The following GMIP variants were observed in gnomAD, a reference collection of about 807,000 sequenced individuals.
GMIP encodes GEM interacting protein, also known as GEM-interacting protein.
A neutral mutation model predicts 105.3 loss-of-function variants in GMIP; 54 were observed. That is an observed-to-expected ratio of 0.51 (90% CI 0.41 to 0.64). The LOEUF is 0.64. GMIP is among the 30% of genes least tolerant of loss of function. GMIP has a pLI of 0.00. For synonymous variants in GMIP, 541 were observed against 560.8 expected (o/e 0.96, Z 0.50); for missense variants, 1,110 against 1,319.4 (o/e 0.84, Z 2.46).
Position 19,635,848 on chromosome 19 carries a change from G to A in GMIP, c.1328-127C>T. ...AGGAGGGGGATTGGACAGGTCAGTGGTTAAGGGTTGGAGAATTGGGTCAGC... is the reference window on the plus strand; with the variant it reads ...AGGAGGGGGATTGGACAGGTCAGTGATTAAGGGTTGGAGAATTGGGTCAGC... On this transcript the variant is annotated intron_variant, in intron 13 of 20. Transcript: ENST00000203556. The surrounding 1 kb of genome is among the most constrained non-coding windows in gnomAD (Gnocchi z 4.7). The A allele has an allele frequency of 1.3e-6, 1 of 763,332 alleles. No homozygotes were observed. Among genetic ancestry groups the A allele is most frequent in the Non-Finnish European group, 2.2e-6 (1 of 444,950 alleles). The allele number at this position is 763,332 out of a possible 1,614,324, so 47.3% of individuals were successfully genotyped here. A position where few individuals can be genotyped will look rare whatever the true frequency, so the allele number is the denominator to read the frequency against.
At chr19:19,632,822 G>T (rs2061809730) in intron 19 of GMIP, among the ~76,000 whole-genome samples, 1 of 152,114 alleles carries the variant, frequency 6.6e-6, no homozygotes, top group African/African-American at 2.4e-5. Context: ...TTCATTACAG[G>T]ATGGGGCTGC....
Position 19,630,517 on chromosome 19 carries a change from G to A in GMIP, c.2493C>T (p.Asp831=), listed in dbSNP as rs1189411728. 6.2e-7 allele frequency: 1 copy of A among 1,613,848 alleles called. No homozygotes were observed. Among genetic ancestry groups the A allele is most frequent in the Non-Finnish European group, 8.5e-7 (1 of 1,179,842 alleles). The change falls in exon 20 of 21, where the codon GAC becomes GAT. Residue 831 remains aspartate, a synonymous_variant. Transcript: ENST00000203556. The surrounding 1 kb of genome is among the most constrained non-coding windows in gnomAD (Gnocchi z 4.8). The part of the protein sequence containing the change: ...TPTEIPTPQS[D]QREDVAEDTK... Reference sequence around the variant, plus strand: ...TGTCTTCAGCCACGTCCTCTCTCTGGTCACTCTGTGGAGTTGGAATCTGCA... The same window carrying A: ...TGTCTTCAGCCACGTCCTCTCTCTGATCACTCTGTGGAGTTGGAATCTGCA...
Position 19,637,502 on chromosome 19 carries a change from G to A in GMIP, c.987C>T (p.Phe329=), listed in dbSNP as rs565970380. Residue 329 remains phenylalanine, a synonymous_variant, in exon 11 of 21, where the codon TTC becomes TTT. Coordinates refer to ENST00000203556, the MANE Select transcript of GMIP (RefSeq NM_016573.4). The surrounding 1 kb of genome is among the most constrained non-coding windows in gnomAD (Gnocchi z 6.7). ...GCGCACAGCACTCGGCCAGGGCGGC[G>A]AAGGCGCGGGGGCCACGCTCTGCCT... The part of the protein sequence containing the change: ...GAQAERGPRA[F]AALAECCAPF... The A allele has an allele frequency of 6.5e-7, 1 of 1,539,718 alleles. No homozygotes were observed. Among genetic ancestry groups the A allele is most frequent in the Non-Finnish European group, 8.7e-7 (1 of 1,143,584 alleles).
chr19:19,631,242 G>A (rs2061792516), intron 19 of GMIP, among the ~76,000 whole-genome samples: 1 of 152,098 alleles, frequency 6.6e-6, no homozygotes. Flanking sequence ...CCAGCATAGA[G>A]CAGTGTCATT....
In GMIP at chr19:19,634,862, C is replaced by T. The variant is rs778161886; in HGVS notation, c.1817G>A (p.Arg606Gln). The change falls in exon 17 of 21, where the codon CGA becomes CAA. Residue 606 changes from arginine (R) to glutamine (Q), a missense_variant. Physicochemically the swap from Arg to Gln is conservative, Grantham distance 43. Around this residue, in one of 3 missense-constraint regions of GMIP, gnomAD observed 49 missense variants for 95.6 expected, o/e 0.51. Coordinates refer to ENST00000203556, the MANE Select transcript of GMIP (RefSeq NM_016573.4). The surrounding 1 kb of genome is among the most constrained non-coding windows in gnomAD (Gnocchi z 6.1). Reference protein sequence around the residue: ...ERLCQAFENGRALVELSGNSP... With the variant: ...ERLCQAFENGQALVELSGNSP... ...GTTCCCCGACAGCTCCACCAACGCT[C>T]GGCCATTCTCGAAAGCCTGGCACAG... is the stretch of plus-strand genomic sequence containing the variant. 15 of 1,613,868 alleles carry T rather than the reference C, an allele frequency of 9.3e-6. No individual in the cohort carries two copies. The highest frequency in any genetic ancestry group is 3.3e-4 in the Middle Eastern group (2 of 6,084).
At chr19:19,631,282 G>A (rs995101631) in intron 19 of GMIP, among the ~76,000 whole-genome samples, 2 of 152,202 alleles carry the variant, frequency 1.3e-5, no homozygotes, top group African/African-American at 4.8e-5. Flanking sequence ...GCTCCATGAG[G>A]GTGGGAAAAT....
At position 19,637,285 on chromosome 19, in the gene GMIP, C is replaced by T. The variant is rs918667278; in HGVS notation, c.1124+80G>A. 9.7e-7 allele frequency: 1 copy of T among 1,029,808 alleles called. No homozygotes were observed. Among genetic ancestry groups the T allele is most frequent in the Non-Finnish European group, 1.4e-6 (1 of 705,166 alleles). 63.8% of individuals were successfully genotyped at this position (1,029,808 alleles called of 1,614,324 possible). A position where few individuals can be genotyped will look rare whatever the true frequency, so the allele number is the denominator to read the frequency against. ...ACTAAGGCTTTGCGTTCTCTAACCT[C>T]GAGTAACCAGCCTGCGGTGCCAACA... On this transcript the variant is annotated intron_variant, in intron 11 of 20. Coordinates refer to ENST00000203556, the MANE Select transcript of GMIP (RefSeq NM_016573.4). This position sits in a 1 kb window ranked among gnomAD's most constrained non-coding sequence, Gnocchi z 6.7.
intron 1 of GMIP, 136 bp downstream of exon 1, chr19:19,643,375 A>T: frequency 1.3e-6 from 1 of 775,206 alleles, no homozygotes. Flanking sequence ...GCTCCCCACA[A>T]TGGAGGATCC....
chr19:19,642,802 A>G (rs763071242), intron 1 of GMIP, among the ~76,000 whole-genome samples, 183 bp from the exon 2 acceptor site: 12 of 152,090 alleles, frequency 7.9e-5, no homozygotes, highest in Admixed American at 3.3e-4. Flanking sequence ...ACCACCAGAG[A>G]CCAGAGACAG....
rs752153180 is a variant in GMIP at position 19,634,951 on chromosome 19, C to T, written c.1750-22G>A. 1.4e-5 allele frequency: 22 copies of T among 1,613,740 alleles called. No individual in the cohort carries two copies. Among genetic ancestry groups the T allele is most frequent in the Non-Finnish European group, 1.8e-5 (21 of 1,179,902 alleles). On this transcript the variant is annotated intron_variant, in intron 16 of 20. Transcript: ENST00000203556. The surrounding 1 kb of genome is among the most constrained non-coding windows in gnomAD (Gnocchi z 6.1). Reference sequence around the variant, plus strand: ...TGCCCTGCAGGGTGAGGGTGAAAAACAGACACCTGGTTCGTGATAGGCCAT... The same window carrying T: ...TGCCCTGCAGGGTGAGGGTGAAAAATAGACACCTGGTTCGTGATAGGCCAT...
intron 19 of GMIP, among the ~76,000 whole-genome samples, chr19:19,631,068 G>A (rs912491018): frequency 1.3e-5 from 2 of 152,158 alleles, no homozygotes; most frequent in African/African-American, 4.8e-5. Flanking sequence ...GGGCGTGGTG[G>A]TGCATGCCTG....
In GMIP at chr19:19,637,239, G is replaced by A. The variant is rs565567434; in HGVS notation, c.1124+126C>T. 10 of 728,418 alleles carry A rather than the reference G, an allele frequency of 1.4e-5. No individual in the cohort carries two copies. The highest frequency in any genetic ancestry group is 2.3e-5 in the Non-Finnish European group (10 of 442,740). 45.1% of individuals were successfully genotyped at this position (728,418 alleles called of 1,614,324 possible). A position where few individuals can be genotyped will look rare whatever the true frequency, so the allele number is the denominator to read the frequency against. On this transcript the variant is annotated intron_variant, in intron 11 of 20. Transcript: ENST00000203556. This position sits in a 1 kb window ranked among gnomAD's most constrained non-coding sequence, Gnocchi z 6.7. ...CCATTCACCCTCCTATGGCCCCCGA[G>A]AGCCTGGAGTACTAAATTCCACTAA...
At chr19:19,643,099 C>A in intron 1 of GMIP, 1 of 230,964 alleles carries the variant, frequency 4.3e-6, no homozygotes, top group Non-Finnish European at 8.5e-6. Flanking sequence ...GACCCCGCCA[C>A]ATTTCTACTG....
rs749316704 is a variant in GMIP at position 19,634,985 on chromosome 19, T to C, written c.1749+40A>G. On this transcript the variant is annotated intron_variant, in intron 16 of 20. Coordinates refer to ENST00000203556, the MANE Select transcript of GMIP (RefSeq NM_016573.4). This position sits in a 1 kb window ranked among gnomAD's most constrained non-coding sequence, Gnocchi z 6.1. ...GGTTCGTGATAGGCCATCGATTCGG[T>C]CAGGTCACTTCTGGGGATGATGAAG... 6.2e-7 allele frequency: 1 copy of C among 1,613,072 alleles called. No individual in the cohort carries two copies. Among genetic ancestry groups the C allele is most frequent in the Non-Finnish European group, 8.5e-7 (1 of 1,179,280 alleles).
chr19:19,639,625 G>A (rs2144867552), intron 7 of GMIP, among the ~76,000 whole-genome samples: 1 of 152,008 alleles, frequency 6.6e-6, no homozygotes, highest in East Asian at 1.9e-4. Flanking sequence ...GAGGTAGGTG[G>A]ATTACCTGAG....
At position 19,637,578 on chromosome 19, in the gene GMIP, G is replaced by A. The variant is rs1483746427; in HGVS notation, c.928-17C>T. 1 of 1,502,790 alleles carries A rather than the reference G, an allele frequency of 6.7e-7. No individual in the cohort carries two copies. Among genetic ancestry groups the A allele is most frequent in the South Asian group, 1.3e-5 (1 of 79,300 alleles). 93.1% of individuals were successfully genotyped at this position (1,502,790 alleles called of 1,614,324 possible). On this transcript the variant is annotated splice_polypyrimidine_tract_variant and intron_variant, in intron 10 of 20. Transcript: ENST00000203556. This position sits in a 1 kb window ranked among gnomAD's most constrained non-coding sequence, Gnocchi z 6.7. ...CAGCGTCACCTGCCGGGTGGAGACA[G>A]CAGGTTGGGGAGGGGCGGAGCCTGG...
Position 19,637,619 on chromosome 19 carries a change from G to T in GMIP, c.928-58C>A. 1 of 1,341,784 alleles carries T rather than the reference G, an allele frequency of 7.5e-7. No individual in the cohort carries two copies. Among genetic ancestry groups the T allele is most frequent in the Non-Finnish European group, 9.9e-7 (1 of 1,008,790 alleles). The allele number at this position is 1,341,784 out of a possible 1,614,324, so 83.1% of individuals were successfully genotyped here. ...CGGAGCCTGGGAGCCTGGGGGCAGGGCCAGAGCTGGGGCGGGGCTTGAGAG... is the reference window on the plus strand; with the variant it reads ...CGGAGCCTGGGAGCCTGGGGGCAGGTCCAGAGCTGGGGCGGGGCTTGAGAG... On this transcript the variant is annotated intron_variant, in intron 10 of 20. Transcript: ENST00000203556. The surrounding 1 kb of genome is among the most constrained non-coding windows in gnomAD (Gnocchi z 6.7).
In GMIP at chr19:19,637,070, T is replaced by G; in HGVS notation, c.1125-41A>C. The stretch of plus-strand genomic sequence containing the variant: ...TTTGAAGGTTTGAATCCCAGGAAAC[T>G]GGCCTGGGGTGATGGCACCCAGGCA... On this transcript the variant is annotated intron_variant, in intron 11 of 20. Coordinates refer to ENST00000203556, the MANE Select transcript of GMIP (RefSeq NM_016573.4). This position sits in a 1 kb window ranked among gnomAD's most constrained non-coding sequence, Gnocchi z 6.7. The G allele has an allele frequency of 7.4e-7, 1 of 1,360,260 alleles. No homozygotes were observed. Among genetic ancestry groups the G allele is most frequent in the Non-Finnish European group, 1.0e-6 (1 of 974,752 alleles). 84.3% of individuals were successfully genotyped at this position (1,360,260 alleles called of 1,614,324 possible). A position where few individuals can be genotyped will look rare whatever the true frequency, so the allele number is the denominator to read the frequency against.
Position 19,637,496 on chromosome 19 carries a change from G to T in GMIP, c.993C>A (p.Ala331=), listed in dbSNP as rs913406951. 4 of 1,540,628 alleles carry T rather than the reference G, an allele frequency of 2.6e-6. No homozygotes were observed. In the East Asian group the frequency reaches 9.9e-5, roughly 38 times the overall value. The stretch of plus-strand genomic sequence containing the variant: ...CAAAGGGCGCACAGCACTCGGCCAG[G>T]GCGGCGAAGGCGCGGGGGCCACGCT... ...QAERGPRAFA[A]LAECCAPFEP... The change falls in exon 11 of 21, where the codon GCC becomes GCA. Residue 331 remains alanine (A), a synonymous_variant. Transcript: ENST00000203556. The surrounding 1 kb of genome is among the most constrained non-coding windows in gnomAD (Gnocchi z 6.7).
Sources: gnomAD v4.1 joint callset for allele counts (sites outside exome capture counted in the v4.1 genomes callset) on GRCh38, gnomAD v4.1.1 for gene constraint, gnomAD v4.1.1 regional missense constraint, Gnocchi (gnomAD v3.1) non-coding constraint, MANE v1.5 for transcripts, NCBI Gene and HGNC (gene_info 2026-07-23, HGNC 2026-07-21) for gene names.